Variants in STX5 observed in about 807,000 individuals in gnomAD.
The protein encoded by STX5 is syntaxin-5.
In STX5, 15 loss-of-function variants were observed where a neutral mutation model predicts 42.9. That is an observed-to-expected ratio of 0.35 (90% confidence interval 0.23 to 0.54). The LOEUF (loss-of-function observed/expected upper bound fraction) is 0.54, where lower values mean the gene tolerates loss of function less well. STX5 is among the 20% of genes least tolerant of loss of function. STX5 has a pLI of 0.91. For missense variants in STX5, 430 were observed against 455.0 expected (o/e 0.95, Z 0.50); for synonymous variants, 184 against 173.2 (o/e 1.06, Z -0.49).
intron 10 of STX5, among the ~76,000 whole-genome samples, chr11:62,817,511 C>A (rs1660011833): frequency 6.6e-6 from 1 of 152,092 alleles, no homozygotes; most frequent in Admixed American, 6.6e-5. Context: ...TAACATAATC[C>A]AGACTCTTCA....
In STX5 at chr11:62,807,642, C is replaced by T. The variant is rs1467255633; in HGVS notation, c.909-14G>A. 5 of 1,613,318 alleles carry T rather than the reference C, an allele frequency of 3.1e-6. No homozygotes were observed. Among genetic ancestry groups the T allele is most frequent in the East Asian group, 2.2e-5 (1 of 44,886 alleles). On this transcript the variant is annotated splice_polypyrimidine_tract_variant and intron_variant, in intron 10 of 10. Transcript: ENST00000294179. ...TTCTCGTCGATCCTGGGGACAAGGC[C>T]GGGAGAAGAGGAAACAAAAGGACAC...
intron 6 of STX5, 31 bp downstream of exon 6, chr11:62,825,392 T>C: frequency 6.2e-7 from 1 of 1,614,140 alleles, no homozygotes; most frequent in Non-Finnish European, 8.5e-7. Context: ...TTCTTCCTCT[T>C]TGCCTCCCTC....
In STX5 at chr11:62,807,406, C is replaced by T; in HGVS notation, c.*63G>A. 2 of 1,582,414 alleles carry T rather than the reference C, an allele frequency of 1.3e-6. No homozygotes were observed. The highest frequency in any genetic ancestry group is 1.7e-6 in the Non-Finnish European group (2 of 1,162,326). ...ACCCTGCACAGGCTCAGTGGCAGCA[C>T]TGGCCACTTGCCTTCCCAGGAGGGT... On this transcript the variant is annotated 3_prime_UTR_variant, in exon 11 of 11. Coordinates refer to ENST00000294179, the MANE Select transcript of STX5 (RefSeq NM_003164.5).
chr11:62,812,577 C>T (rs568016069), intron 10 of STX5, among the ~76,000 whole-genome samples: 1 of 151,760 alleles, frequency 6.6e-6, no homozygotes, highest in African/African-American at 2.4e-5. Flanking sequence ...GGTCACCACA[C>T]CCGGCTAATT....
rs781380412 is a variant in STX5 at position 62,807,697 on chromosome 11, T to A, written c.909-69A>T. 3.7e-5 allele frequency: 58 copies of A among 1,583,890 alleles called. 1 individual carries two copies. In the South Asian group the frequency reaches 4.3e-4, roughly 12 times the overall value. On this transcript the variant is annotated intron_variant, in intron 10 of 10. Coordinates refer to ENST00000294179, the MANE Select transcript of STX5 (RefSeq NM_003164.5). ...TTAAAAAGAATGCTGTTGAAGTCCA[T>A]TTATTGACATGGAAAGATGGTCACA...
In STX5 at chr11:62,831,109, C is replaced by T; in HGVS notation, c.135G>A (p.Val45=). Residue 45 remains valine (V), a synonymous_variant, in exon 2 of 11, where the codon GTG becomes GTA. Transcript: ENST00000294179. ...SSDIAPLPPP[V]TLVPPPPDTM... is the part of the protein sequence containing the mutation. ...TGTCGGGAGGGGGAGGGACGAGGGT[C>T]ACTGGGGGGGGCAGAGGGGCGATGT... is the stretch of plus-strand genomic sequence containing the variant. 1 of 1,554,026 alleles carries T rather than the reference C, an allele frequency of 6.4e-7. No individual in the cohort carries two copies. Among genetic ancestry groups the T allele is most frequent in the Non-Finnish European group, 8.7e-7 (1 of 1,148,852 alleles).
chr11:62,809,198 G>A (rs976711349), intron 10 of STX5, among the ~76,000 whole-genome samples: 5 of 149,512 alleles, frequency 3.3e-5, no homozygotes, highest in East Asian at 4.0e-4. Context: ...TGAGGCAGGA[G>A]AATGGCTTGA....
Position 62,829,108 on chromosome 11 carries a change from C to A in STX5, c.226-1477G>T, listed in dbSNP as rs147001305. On this transcript the variant is annotated intron_variant, in intron 2 of 10. Coordinates refer to ENST00000294179, the MANE Select transcript of STX5 (RefSeq NM_003164.5). ...AACAAACAAACACAAACTGCTTACT[C>A]GGGTCCCACTGGGATTGTTGAAAAA... is the stretch of plus-strand genomic sequence containing the variant. 1.9e-3 allele frequency among the ~76,000 whole-genome samples: 287 copies of A among 151,940 alleles called. 4 individuals carry two copies. The highest frequency in any genetic ancestry group is 6.8e-3 in the African/African-American group (282 of 41,450).
At chr11:62,820,078 T>C (rs550522051) in intron 10 of STX5, among the ~76,000 whole-genome samples, 3 of 151,364 alleles carry the variant, frequency 2.0e-5, no homozygotes, top group South Asian at 4.2e-4. Context: ...GATTAAAATA[T>C]GGGCAGAATC....
chr11:62,825,611 A>G (rs2084787521), intron 5 of STX5, 72 bp from the exon 6 acceptor site: 1 of 1,356,226 alleles, frequency 7.4e-7, no homozygotes, highest in African/African-American at 1.4e-5. Flanking sequence ...CACGATGGCC[A>G]TCTCTGGTAG....
At chr11:62,831,284 C>T in intron 1 of STX5, 22 bp from the exon 2 acceptor site, 1 of 1,514,872 alleles carries the variant, frequency 6.6e-7, no homozygotes, top group East Asian at 2.4e-5. Context: ...GGGAGAGTGT[C>T]ATTCCCCAGG....
chr11:62,831,877 C>G (rs531529021), intron 1 of STX5, 77 bp downstream of exon 1: 4 of 456,846 alleles, frequency 8.8e-6, no homozygotes, highest in African/African-American at 2.0e-5. Context: ...CCCTTCCCCC[C>G]GCCAGTCGTC....
At chr11:62,831,820 GCTCAC>G (rs1256033910) in intron 1 of STX5, 129 bp downstream of exon 1, 1 of 436,612 alleles carries the variant, frequency 2.3e-6, no homozygotes, top group African/African-American at 2.0e-5. Context: ...CAAGGAATTC[GCTCAC>G]CCGGAGCCGG....
At chr11:62,811,829 G>A (rs529911567) in intron 10 of STX5, among the ~76,000 whole-genome samples, 1 of 151,992 alleles carries the variant, frequency 6.6e-6, no homozygotes, top group South Asian at 2.1e-4. Flanking sequence ...AGCTGTCACT[G>A]TCAACTTATG....
intron 10 of STX5, among the ~76,000 whole-genome samples, chr11:62,811,508 T>G (rs2084616591): frequency 6.6e-6 from 1 of 152,178 alleles, no homozygotes; most frequent in South Asian, 2.1e-4. Context: ...AAGTTCTTTC[T>G]CATTTCTGTG....
At chr11:62,812,073 CTT>C (rs1192177705) in intron 10 of STX5, among the ~76,000 whole-genome samples, 5 of 113,806 alleles carry the variant, frequency 4.4e-5, no homozygotes, top group Non-Finnish European at 3.6e-5. Context: ...ACTCAAATAC[CTT>C]TTTTTTTTTT....
chr11:62,809,844 C>G (rs561433506), intron 10 of STX5, among the ~76,000 whole-genome samples: 1 of 151,808 alleles, frequency 6.6e-6, no homozygotes, highest in African/African-American at 2.4e-5. Flanking sequence ...TGGCTCACGC[C>G]GATAATCCCA....
chr11:62,815,001 G>A (rs1022010919), intron 10 of STX5, among the ~76,000 whole-genome samples: 2 of 151,806 alleles, frequency 1.3e-5, no homozygotes, highest in African/African-American at 2.4e-5. Context: ...TAACAGATAG[G>A]ATAACTGGGT....
chr11:62,818,034 A>C (rs898947735), intron 10 of STX5, among the ~76,000 whole-genome samples: 1 of 152,082 alleles, frequency 6.6e-6, no homozygotes, highest in East Asian at 1.9e-4. Context: ...ACCTGAGGTC[A>C]GTAGTTCGAG....
Sources: gnomAD v4.1 joint callset for allele counts (sites outside exome capture counted in the v4.1 genomes callset) on GRCh38, gnomAD v4.1.1 for gene constraint, MANE v1.5 for transcripts, NCBI Gene and HGNC (gene_info 2026-07-23, HGNC 2026-07-21) for gene names.